Variants in DDAH1 observed in about 807,000 individuals in gnomAD.
DDAH1 encodes dimethylarginine dimethylaminohydrolase 1.
DDAH1 carries 19 observed loss-of-function variants against 28.8 expected under a neutral mutation model. The ratio of observed to expected loss-of-function variants is 0.66; its 90% CI spans 0.46 to 0.97. DDAH1 has a LOEUF of 0.97. Ranked by LOEUF, DDAH1 falls within the 50% of genes least tolerant of loss-of-function variation. DDAH1 has a pLI of 0.00. For missense variants in DDAH1, 326 were observed against 375.9 expected (o/e 0.87, Z 1.10); for synonymous variants, 153 against 154.4 (o/e 0.99, Z 0.07).
At chr1:85,338,235 T>C (rs1474328344) in intron 4 of DDAH1, among the ~76,000 whole-genome samples, 1 of 152,176 alleles carries the variant, frequency 6.6e-6, no homozygotes, top group Non-Finnish European at 1.5e-5. Context: ...TATTTTAATA[T>C]ACATATGTTA....
chr1:85,455,232 T>C (rs1012437566), intron 1 of DDAH1, among the ~76,000 whole-genome samples: 3 of 152,222 alleles, frequency 2.0e-5, no homozygotes, highest in African/African-American at 7.2e-5. Context: ...CCTGAAATGA[T>C]GGTTCCCTTA....
chr1:85,351,506 C>T lies in DDAH1; in HGVS notation c.477G>A (p.Lys159=). The change falls in exon 3 of 6, where the codon AAG becomes AAA. Residue 159 remains lysine, a splice_region_variant and synonymous_variant. Transcript: ENST00000284031. ...RGAEILADTF[K]DYAVSTVPVA... Reference sequence around the variant, plus strand: ...CAGGCATAAACTACCTTTTACCTACCTTAAAAGTATCAGCCAAGATTTCAG... The same window carrying T: ...CAGGCATAAACTACCTTTTACCTACTTTAAAAGTATCAGCCAAGATTTCAG... 1 of 1,613,648 alleles carries T rather than the reference C, an allele frequency of 6.2e-7. No homozygotes were observed. Among genetic ancestry groups the T allele is most frequent in the South Asian group, 1.1e-5 (1 of 91,072 alleles).
intron 1 of DDAH1, among the ~76,000 whole-genome samples, chr1:85,425,863 G>A (rs1004190604): frequency 5.9e-5 from 9 of 152,084 alleles, no homozygotes; most frequent in African/African-American, 2.2e-4. Context: ...ATTATCCTGG[G>A]CCTCAGTTTC....
At chr1:85,574,795 C>T (rs1448163356) in intron 1 of DDAH1, among the ~76,000 whole-genome samples, 2 of 152,164 alleles carry the variant, frequency 1.3e-5, no homozygotes, top group Non-Finnish European at 2.9e-5. Context: ...CCTGTAATCC[C>T]AGCACTTTGG....
intron 1 of DDAH1, among the ~76,000 whole-genome samples, chr1:85,462,813 C>T (rs1655185982): frequency 6.6e-6 from 1 of 152,236 alleles, no homozygotes. Context: ...CAGGCACCAG[C>T]AGGAGACCCA....
intron 1 of DDAH1, among the ~76,000 whole-genome samples, chr1:85,501,205 G>A (rs1344395389): frequency 3.9e-5 from 6 of 152,142 alleles, no homozygotes. Context: ...TAATTTACTA[G>A]TGGAGAAGCT....
intron 1 of DDAH1, among the ~76,000 whole-genome samples, chr1:85,540,830 C>T (rs944672071): frequency 6.6e-6 from 1 of 151,926 alleles, no homozygotes; most frequent in Non-Finnish European, 1.5e-5. Context: ...CGTGGTGGTG[C>T]ATGCCTGTAA....
intron 1 of DDAH1, among the ~76,000 whole-genome samples, chr1:85,532,529 A>G (rs1165245075): frequency 7.2e-5 from 11 of 152,020 alleles, no homozygotes; most frequent in Non-Finnish European, 1.5e-4. Flanking sequence ...ATTATGGACC[A>G]GGCACTCTGC....
chr1:85,450,963 C>T (rs1557645722), intron 1 of DDAH1, among the ~76,000 whole-genome samples: 1 of 152,136 alleles, frequency 6.6e-6, no homozygotes. Flanking sequence ...AAGGGTAGTA[C>T]CTTTTGACTC....
At chr1:85,377,678 G>T (rs1650745135) in intron 1 of DDAH1, among the ~76,000 whole-genome samples, 1 of 152,052 alleles carries the variant, frequency 6.6e-6, no homozygotes, top group Non-Finnish European at 1.5e-5. Context: ...CTTTTAGGAA[G>T]CAAAACATCT....
chr1:85,493,748 T>A (rs1039856379), intron 2 of DDAH1: 1 of 152,208 alleles, frequency 6.6e-6, no homozygotes, highest in Admixed American at 6.5e-5. Context: ...TTCACAACAT[T>A]GCTTTTGGAA....
chr1:85,395,368 T>C (rs1010039582), intron 1 of DDAH1, among the ~76,000 whole-genome samples: 8 of 152,200 alleles, frequency 5.3e-5, no homozygotes, highest in African/African-American at 1.9e-4. Flanking sequence ...GAATGACTGG[T>C]TGTTTCAATA....
At chr1:85,573,910 T>C (rs1659526207) in intron 1 of DDAH1, among the ~76,000 whole-genome samples, 1 of 152,224 alleles carries the variant, frequency 6.6e-6, no homozygotes, top group African/African-American at 2.4e-5. Context: ...CTGGGAGTTA[T>C]AGAATGCTGG....
intron 1 of DDAH1, among the ~76,000 whole-genome samples, chr1:85,507,627 A>G (rs1657065173): frequency 6.6e-6 from 1 of 152,214 alleles, no homozygotes; most frequent in African/African-American, 2.4e-5. Context: ...CCTTAATATC[A>G]TATAATACCC....
At chr1:85,534,584 C>G (rs2100777545) in intron 1 of DDAH1, among the ~76,000 whole-genome samples, 1 of 152,082 alleles carries the variant, frequency 6.6e-6, no homozygotes, top group African/African-American at 2.4e-5. Flanking sequence ...ATTCTATGTT[C>G]CTTCCATTCA....
intron 1 of DDAH1, among the ~76,000 whole-genome samples, chr1:85,392,386 C>CT (rs1464007786): frequency 1.3e-5 from 2 of 152,174 alleles, no homozygotes; most frequent in Non-Finnish European, 2.9e-5. Flanking sequence ...TGTGAAGACT[C>CT]TATCTCCAGA....
At chr1:85,367,820 G>C (rs1650154032) in intron 1 of DDAH1, among the ~76,000 whole-genome samples, 1 of 152,162 alleles carries the variant, frequency 6.6e-6, no homozygotes, top group South Asian at 2.1e-4. Flanking sequence ...GCAGGGCAGA[G>C]AGAGGGAAGC....
chr1:85,410,107 C>T (rs1382184645), intron 1 of DDAH1, among the ~76,000 whole-genome samples: 1 of 151,180 alleles, frequency 6.6e-6, no homozygotes, highest in Non-Finnish European at 1.5e-5. Flanking sequence ...ATGGCACAAC[C>T]CCATCTCTAC....
chr1:85,426,912 T>TAAA (rs1406621060), intron 1 of DDAH1, among the ~76,000 whole-genome samples: 221 of 20,056 alleles, frequency 0.011, no homozygotes, highest in African/African-American at 0.028. Context: ...CTCTGATTCT[T>TAAA]AAAAAAAACA....
Sources: allele counts gnomAD v4.1 joint callset (sites outside exome capture counted in the v4.1 genomes callset), GRCh38; gene constraint gnomAD v4.1.1; transcripts MANE v1.5; gene names NCBI Gene and HGNC (gene_info 2026-07-23, HGNC 2026-07-21).